Variants in GLIS3 observed in about 807,000 individuals in gnomAD.
GLIS3 encodes the protein zinc finger protein GLIS3.
In GLIS3, 53 loss-of-function variants were observed where a neutral mutation model predicts 78.6. The ratio of observed to expected loss-of-function variants is 0.67; its 90% confidence interval spans 0.54 to 0.85. The LOEUF (loss-of-function observed/expected upper bound fraction) is 0.85. Among genes scored for constraint, GLIS3 ranks in the 40% least tolerant of loss-of-function variants. GLIS3 has a pLI of 0.00. For missense variants in GLIS3, 1,703 were observed against 1,231.1 expected, an observed-to-expected ratio of 1.38 and a Z score of -5.74; for synonymous variants, 684 against 509.9, an observed-to-expected ratio of 1.34 and a Z score of -4.60.
At chr9:4,272,388 CAATCTCTGCCAAAAAACA>C (rs1826595455) in intron 2 of GLIS3, among the ~76,000 whole-genome samples, 1 of 152,128 alleles carries the variant, frequency 6.6e-6, no homozygotes, top group African/African-American at 2.4e-5. Context: ...CCTTTTGAGG[CAATCTCTGCCAAAAAACA>C]AAACAACATC....
intron 4 of GLIS3, among the ~76,000 whole-genome samples, chr9:4,014,281 G>A (rs1187638132): frequency 1.3e-5 from 2 of 152,076 alleles, no homozygotes; most frequent in Non-Finnish European, 2.9e-5. Context: ...ACTGAGAAGT[G>A]GCCTTAGAAA....
chr9:4,396,148 C>T, the GLIS3 span, among the ~76,000 whole-genome samples: 1 of 151,458 alleles, frequency 6.6e-6, no homozygotes, highest in Non-Finnish European at 1.5e-5. Context: ...AATCTCACTC[C>T]GTCACCCAGG....
the GLIS3 span, among the ~76,000 whole-genome samples, chr9:4,409,644 T>C: frequency 6.6e-6 from 1 of 152,178 alleles, no homozygotes; most frequent in African/African-American, 2.4e-5. Context: ...TCTAGTAATT[T>C]CAAACAAATT....
chr9:4,260,497 G>T (rs982733231), intron 2 of GLIS3, among the ~76,000 whole-genome samples: 8 of 151,504 alleles, frequency 5.3e-5, no homozygotes, highest in Non-Finnish European at 1.0e-4. Context: ...AACTCGGGGG[G>T]CAGAGGTTGT....
the GLIS3 span, among the ~76,000 whole-genome samples, chr9:4,408,166 G>A: frequency 6.6e-6 from 1 of 152,028 alleles, no homozygotes; most frequent in Non-Finnish European, 1.5e-5. Context: ...GCTGTCAGTG[G>A]GAATGTAAAT....
At chr9:3,858,824 C>T (rs956787358) in intron 8 of GLIS3, among the ~76,000 whole-genome samples, 6 of 152,128 alleles carry the variant, frequency 3.9e-5, no homozygotes, top group Admixed American at 1.3e-4. Flanking sequence ...GAAGCCACCA[C>T]TAAAAAGTCC....
chr9:4,170,246 C>A (rs1816257354), intron 2 of GLIS3, among the ~76,000 whole-genome samples: 1 of 152,066 alleles, frequency 6.6e-6, no homozygotes, highest in African/African-American at 2.4e-5. Context: ...TAGGAATTAA[C>A]AATAAAATTA....
chr9:4,044,041 C>T (rs551687353), intron 4 of GLIS3, among the ~76,000 whole-genome samples: 5 of 152,274 alleles, frequency 3.3e-5, no homozygotes, highest in African/African-American at 7.2e-5. Context: ...GCAGAGCAGG[C>T]AAACATCACC....
chr9:4,259,607 A>T (rs1448542291), intron 2 of GLIS3, among the ~76,000 whole-genome samples: 1 of 152,192 alleles, frequency 6.6e-6, no homozygotes, highest in Non-Finnish European at 1.5e-5. Flanking sequence ...ACCAAAGTTA[A>T]ATGGGTGTGC....
At chr9:4,166,493 C>A (rs913684922) in intron 2 of GLIS3, among the ~76,000 whole-genome samples, 2 of 152,192 alleles carry the variant, frequency 1.3e-5, no homozygotes, top group African/African-American at 4.8e-5. Context: ...AAAAAAATAA[C>A]CATTCTTACA....
chr9:4,375,401 A>G, the GLIS3 span, among the ~76,000 whole-genome samples: 1 of 152,314 alleles, frequency 6.6e-6, no homozygotes, highest in Non-Finnish European at 1.5e-5. Flanking sequence ...TTTCCTTTAT[A>G]CCTTTAATGA....
At chr9:4,236,738 T>C (rs984851432) in intron 2 of GLIS3, among the ~76,000 whole-genome samples, 3 of 152,220 alleles carry the variant, frequency 2.0e-5, no homozygotes, top group African/African-American at 7.2e-5. Flanking sequence ...AGGTGCTGTT[T>C]ACATAAAACA....
At chr9:3,954,589 T>C (rs10974258) in intron 4 of GLIS3, among the ~76,000 whole-genome samples, 1,912 of 152,362 alleles carry the variant, frequency 0.013, 18 homozygotes, top group Middle Eastern at 0.034. Flanking sequence ...AAGTAATCCA[T>C]ATGCAAATTT....
At chr9:4,409,251 A>C in the GLIS3 span, among the ~76,000 whole-genome samples, 3 of 152,170 alleles carry the variant, frequency 2.0e-5, no homozygotes, top group African/African-American at 7.2e-5. Context: ...CCCTGGAATG[A>C]ACTCTTTTAA....
At chr9:3,896,135 T>C (rs772368396) in intron 7 of GLIS3, among the ~76,000 whole-genome samples, 4 of 152,228 alleles carry the variant, frequency 2.6e-5, no homozygotes, top group Non-Finnish European at 4.4e-5. Context: ...TTTTCATGGT[T>C]TGGCTTCTTT....
At chr9:4,168,602 ATAT>A (rs140936025) in intron 2 of GLIS3, among the ~76,000 whole-genome samples, 5,453 of 152,326 alleles carry the variant, frequency 0.036, 119 homozygotes, top group Middle Eastern at 0.092. Context: ...GCTGATACTC[ATAT>A]TATTAAGTAA....
chr9:4,243,223 A>G (rs1823483870), intron 2 of GLIS3, among the ~76,000 whole-genome samples: 1 of 152,208 alleles, frequency 6.6e-6, no homozygotes, highest in African/African-American at 2.4e-5. Flanking sequence ...TGAGAGTCAG[A>G]TCTTGTTTAA....
chr9:4,050,364 G>A (rs961037990), intron 4 of GLIS3, among the ~76,000 whole-genome samples: 22 of 152,132 alleles, frequency 1.4e-4, no homozygotes, highest in Non-Finnish European at 2.2e-4. Flanking sequence ...ACCAAACACC[G>A]CATGTTCTCA....
intron 2 of GLIS3, among the ~76,000 whole-genome samples, chr9:4,317,719 C>T (rs748562688): frequency 6.6e-6 from 1 of 152,150 alleles, no homozygotes; most frequent in East Asian, 1.9e-4. Context: ...AATGAGCAGG[C>T]ATTATTCAAG....
Sources: gnomAD v4.1 joint callset for allele counts (sites outside exome capture counted in the v4.1 genomes callset) on GRCh38, gnomAD v4.1.1 for gene constraint, MANE v1.5 for transcripts, NCBI Gene and HGNC (gene_info 2026-07-23, HGNC 2026-07-21) for gene names.